Variants in SLC25A31 observed in about 807,000 individuals in gnomAD.
SLC25A31 encodes ADP/ATP translocase 4.
In SLC25A31, 40 loss-of-function variants were observed where a neutral mutation model predicts 36.2. The ratio of observed to expected loss-of-function variants is 1.10; its 90% confidence interval spans 0.86 to 1.44. The LOEUF is 1.44. Ranked by LOEUF, SLC25A31 falls within the 40% of genes most tolerant of loss-of-function variation. SLC25A31 has a pLI of 0.00. For synonymous variants in SLC25A31, 143 were observed against 149.7 expected (o/e 0.96, Z 0.32); for missense variants, 350 against 397.1 (o/e 0.88, Z 1.01).
At chr4:127,764,141 T>C in intron 2 of SLC25A31, 102 bp from the exon 3 acceptor site, 3 of 950,398 alleles carry the variant, frequency 3.2e-6, no homozygotes, top group Non-Finnish European at 4.7e-6. Flanking sequence ...AAGTGGCTTA[T>C]AAATCTGGTG....
At chr4:127,772,645 T>A (rs1732384320) in intron 5 of SLC25A31, among the ~76,000 whole-genome samples, 1 of 152,128 alleles carries the variant, frequency 6.6e-6, no homozygotes, top group Non-Finnish European at 1.5e-5. Context: ...TATTTCAAGG[T>A]CATTAATTTC....
At chr4:127,747,420 G>T (rs748667882) in intron 2 of SLC25A31, among the ~76,000 whole-genome samples, 1 of 152,020 alleles carries the variant, frequency 6.6e-6, no homozygotes, top group Non-Finnish European at 1.5e-5. Context: ...CCATTTGTTT[G>T]TGTCACCTCC....
chr4:127,769,359 C>T (rs75981796), intron 5 of SLC25A31, among the ~76,000 whole-genome samples: 2 of 152,050 alleles, frequency 1.3e-5, no homozygotes, highest in Non-Finnish European at 2.9e-5. Flanking sequence ...TTGTTATTAC[C>T]AGTTGACCAT....
In SLC25A31 at chr4:127,764,299, C is replaced by T. The variant is rs1217641742; in HGVS notation, c.417C>T (p.Ser139=). ...LASGGAAGAT[S]LCVVYPLDFA... is the part of the protein sequence containing the mutation. ...CTGGTGGAGCTGCTGGGGCAACATC[C>T]TTATGTGTAGTATATCCTCTAGATT... The change falls in exon 3 of 6, where the codon TCC becomes TCT. Residue 139 remains serine, a synonymous_variant. Transcript: ENST00000281154. 5.0e-6 allele frequency: 8 copies of T among 1,613,898 alleles called. No homozygotes were observed. The highest frequency in any genetic ancestry group is 6.8e-6 in the Non-Finnish European group (8 of 1,179,974).
At chr4:127,732,184 G>C (rs1237613055) in intron 1 of SLC25A31, among the ~76,000 whole-genome samples, 1 of 152,172 alleles carries the variant, frequency 6.6e-6, no homozygotes, top group East Asian at 1.9e-4. Flanking sequence ...CTCAAGAAAT[G>C]AAGTGGCTTC....
intron 1 of SLC25A31, among the ~76,000 whole-genome samples, chr4:127,735,892 A>T (rs11098935): frequency 0.32 from 12,235 of 37,814 alleles, 1,033 homozygotes; most frequent in Admixed American, 0.39. Context: ...TTATTTATTT[A>T]TTTATTTTTT....
intron 2 of SLC25A31, among the ~76,000 whole-genome samples, chr4:127,758,230 T>C (rs575159808): frequency 2.6e-5 from 4 of 152,266 alleles, no homozygotes; most frequent in East Asian, 3.9e-4. Flanking sequence ...AGCCAAACCA[T>C]ATCAGTGATG....
chr4:127,733,969 T>C (rs1731577318), intron 1 of SLC25A31, among the ~76,000 whole-genome samples: 1 of 152,264 alleles, frequency 6.6e-6, no homozygotes, highest in Admixed American at 6.5e-5. Context: ...TCTTGGCTTA[T>C]GAAAGCTTCT....
chr4:127,735,868 T>TTTTA (rs199943450), intron 1 of SLC25A31, among the ~76,000 whole-genome samples: 20 of 125,582 alleles, frequency 1.6e-4, no homozygotes, highest in East Asian at 5.4e-4. Flanking sequence ...CATTCTTTTA[T>TTTTA]TTTATTTATT....
At position 127,760,725 on chromosome 4, in the gene SLC25A31, C is replaced by G. The variant is rs535987630; in HGVS notation, c.361-3518C>G. On this transcript the variant is annotated intron_variant, in intron 2 of 5. Coordinates refer to ENST00000281154, the MANE Select transcript of SLC25A31 (RefSeq NM_031291.4). ...ACTTTCATCTTCTCCCTTCCTGATTCTTCTCCGTGCCTCTTCTTTTAACAA... is the reference window on the plus strand; with the variant it reads ...ACTTTCATCTTCTCCCTTCCTGATTGTTCTCCGTGCCTCTTCTTTTAACAA... Among the ~76,000 whole-genome samples the G allele has an allele frequency of 5.8e-4, 89 of 152,288 alleles. 1 individual carries two copies. The South Asian group carries it at 0.016, about 28-fold the overall frequency.
intron 1 of SLC25A31, among the ~76,000 whole-genome samples, chr4:127,736,772 C>T (rs926687487): frequency 1.3e-5 from 2 of 152,218 alleles, no homozygotes; most frequent in Admixed American, 6.5e-5. Flanking sequence ...CATGTGTCTA[C>T]ACCATAGTTA....
chr4:127,739,314 G>T (rs1269139269), intron 1 of SLC25A31, among the ~76,000 whole-genome samples: 2 of 152,024 alleles, frequency 1.3e-5, no homozygotes, highest in African/African-American at 4.8e-5. Context: ...CTTAGCACTT[G>T]CTTGCCTGGA....
intron 1 of SLC25A31, among the ~76,000 whole-genome samples, chr4:127,735,805 T>C (rs1460748528): frequency 2.2e-5 from 2 of 91,252 alleles, no homozygotes; most frequent in African/African-American, 6.2e-5. Context: ...GAACCTCCCC[T>C]GCAAAAAAAA....
intron 1 of SLC25A31, 98 bp from the exon 2 acceptor site, chr4:127,744,573 GT>G (rs1731788660): frequency 2.0e-6 from 2 of 1,006,544 alleles, no homozygotes. Context: ...ATAAGAAAGA[GT>G]ATGTTTTAGA....
At chr4:127,757,846 G>A (rs1368702902) in intron 2 of SLC25A31, among the ~76,000 whole-genome samples, 2 of 151,958 alleles carry the variant, frequency 1.3e-5, no homozygotes, top group African/African-American at 4.8e-5. Context: ...ATCTCATTGT[G>A]CTTTTAATAT....
Position 127,730,488 on chromosome 4 carries a change from T to C in SLC25A31, c.-58T>C. ...TTTTCCGGTTTTCCGCTTCCCTTCA[T>C]CGTAGCTCCCGTACTCATTTTTAGC... On this transcript the variant is annotated 5_prime_UTR_variant, in exon 1 of 6. Transcript: ENST00000281154. The C allele has an allele frequency of 6.5e-7, 1 of 1,549,864 alleles. No homozygotes were observed. Among genetic ancestry groups the C allele is most frequent in the South Asian group, 1.1e-5 (1 of 87,010 alleles).
At position 127,773,426 on chromosome 4, in the gene SLC25A31, G is replaced by C. The variant is rs1253139688; in HGVS notation, c.800G>C (p.Cys267Ser). Residue 267 changes from cysteine to serine, a missense_variant, in exon 6 of 6, where the codon TGC becomes TCC. Cys to Ser is a moderately radical substitution (Grantham distance 112). Coordinates refer to ENST00000281154, the MANE Select transcript of SLC25A31 (RefSeq NM_031291.4). ...CGGCAATATAAAGGAACCTTAGACT[G>C]CTTTGTGAAGATATACCAACATGAA... ...AKRQYKGTLDCFVKIYQHEGI... is the reference protein window; with the variant it reads ...AKRQYKGTLDSFVKIYQHEGI... 6.2e-7 allele frequency: 1 copy of C among 1,613,892 alleles called. No homozygotes were observed. The highest frequency in any genetic ancestry group is 1.3e-5 in the African/African-American group (1 of 74,896).
At chr4:127,755,616 A>T (rs1043154160) in intron 2 of SLC25A31, among the ~76,000 whole-genome samples, 1 of 152,238 alleles carries the variant, frequency 6.6e-6, no homozygotes, top group South Asian at 2.1e-4. Context: ...TAGAATGACT[A>T]TTATCAAAAA....
chr4:127,765,034 T>C (rs937381936), intron 3 of SLC25A31, among the ~76,000 whole-genome samples: 4 of 152,350 alleles, frequency 2.6e-5, no homozygotes, highest in African/African-American at 9.6e-5. Context: ...TTTCTTTCTA[T>C]CCCTGATGAT....
Sources: allele counts gnomAD v4.1 joint callset (sites outside exome capture counted in the v4.1 genomes callset), GRCh38; gene constraint gnomAD v4.1.1; transcripts MANE v1.5; gene names NCBI Gene and HGNC (gene_info 2026-07-23, HGNC 2026-07-21).